SLC30A7: variants seen among roughly 807,000 people sequenced by gnomAD.
The protein encoded by SLC30A7 is zinc transporter 7.
In SLC30A7, 35 loss-of-function variants were observed where a neutral mutation model predicts 46.0. That is an observed-to-expected ratio of 0.76 (90% confidence interval 0.58 to 1.01). The LOEUF (loss-of-function observed/expected upper bound fraction) is 1.01. Among genes scored for constraint, SLC30A7 ranks in the 50% least tolerant of loss-of-function variants. The probability of loss-of-function intolerance (pLI) is 0.00; values close to 1 mark genes in which losing one functional copy is unlikely to be tolerated. For missense variants in SLC30A7, 464 were observed against 451.1 expected (o/e 1.03, Z -0.26); for synonymous variants, 147 against 157.8 (o/e 0.93, Z 0.51).
intron 1 of SLC30A7, 102 bp downstream of exon 1, chr1:100,896,444 C>T (rs1335052004): frequency 4.2e-6 from 6 of 1,440,386 alleles, no homozygotes; most frequent in South Asian, 3.4e-5. Context: ...TCAAAAACTC[C>T]CCGTCAACCC....
chr1:100,933,095 C>G (rs980067580), intron 8 of SLC30A7, among the ~76,000 whole-genome samples: 1 of 151,822 alleles, frequency 6.6e-6, no homozygotes, highest in Non-Finnish European at 1.5e-5. Flanking sequence ...CCTGCCTCAG[C>G]CTCCCGAGTA....
chr1:100,949,656 C>A (rs540304366), intron 8 of SLC30A7, among the ~76,000 whole-genome samples: 2 of 152,336 alleles, frequency 1.3e-5, no homozygotes, highest in Middle Eastern at 3.4e-3. Context: ...TACTGAGCTG[C>A]GGTGGGCCCC....
chr1:100,896,200 GCCATCACC>G lies in SLC30A7; in HGVS notation c.-59_-52del. ...CGTTTGAGGCGTCACTACTGTCACTGCCATCACCCCACGGAGCCACTTCTAGAGGGGAG... is the reference window on the plus strand; with the variant it reads ...CGTTTGAGGCGTCACTACTGTCACTGCCACGGAGCCACTTCTAGAGGGGAG... On this transcript the variant is annotated 5_prime_UTR_variant, in exon 1 of 11. Transcript: ENST00000357650. 6.8e-7 allele frequency: 1 copy of G among 1,460,772 alleles called. No individual in the cohort carries two copies. Among genetic ancestry groups the G allele is most frequent in the Non-Finnish European group, 9.6e-7 (1 of 1,041,462 alleles). The allele number at this position is 1,460,772 out of a possible 1,614,324, so 90.5% of individuals were successfully genotyped here. A position where few individuals can be genotyped will look rare whatever the true frequency, so the allele number is the denominator to read the frequency against.
At chr1:100,925,493 T>C (rs1289877650) in intron 8 of SLC30A7, among the ~76,000 whole-genome samples, 2 of 152,158 alleles carry the variant, frequency 1.3e-5, no homozygotes, top group African/African-American at 2.4e-5. Context: ...TGAGAGGCCA[T>C]GGTGGCTTGG....
chr1:100,941,827 T>C, intron 8 of SLC30A7: 1 of 527,322 alleles, frequency 1.9e-6, no homozygotes, highest in Non-Finnish European at 3.6e-6. Flanking sequence ...CCAAGGCCCC[T>C]GGAGTGCCTG....
At chr1:100,969,365 A>G (rs753768434) in intron 10 of SLC30A7, among the ~76,000 whole-genome samples, 2 of 152,132 alleles carry the variant, frequency 1.3e-5, no homozygotes, top group Admixed American at 6.5e-5. Context: ...TAGATATGCA[A>G]TGTCCTTTTA....
intron 8 of SLC30A7, among the ~76,000 whole-genome samples, chr1:100,939,445 G>A (rs966553744): frequency 6.6e-6 from 1 of 152,092 alleles, no homozygotes; most frequent in Non-Finnish European, 1.5e-5. Context: ...AGATAACGTA[G>A]AGGTTAAATG....
At chr1:100,943,967 T>C (rs1327769086) in intron 8 of SLC30A7, among the ~76,000 whole-genome samples, 1 of 152,188 alleles carries the variant, frequency 6.6e-6, no homozygotes, top group Non-Finnish European at 1.5e-5. Context: ...AAAGAAACAC[T>C]GGAAGAATAA....
chr1:100,929,496 A>G (rs776254772), intron 8 of SLC30A7, among the ~76,000 whole-genome samples: 25 of 151,614 alleles, frequency 1.6e-4, no homozygotes, highest in Non-Finnish European at 3.4e-4. Flanking sequence ...AATCAACTAA[A>G]TAGAGTATAA....
chr1:100,973,422 G>A (rs1285216252), intron 10 of SLC30A7, among the ~76,000 whole-genome samples: 2 of 152,186 alleles, frequency 1.3e-5, no homozygotes, highest in East Asian at 3.9e-4. Context: ...GTTGAAAGAA[G>A]GAAATTAGTA....
chr1:100,906,926 T>C lies in SLC30A7; in HGVS notation c.257T>C (p.Val86Ala). ...TAILAGLAAS[V>A]ISKWRDNDAF... ...ATTTTGGCTGGACTGGCAGCTTCTG[T>C]TATTTCAAAATGGAGAGATAATGAT... Residue 86 changes from valine to alanine, a missense_variant, in exon 3 of 11, where the codon GTT (valine) becomes GCT (alanine). Val to Ala is a moderately conservative substitution (Grantham distance 64). Transcript: ENST00000357650. The C allele has an allele frequency of 6.2e-7, 1 of 1,613,364 alleles. No individual in the cohort carries two copies. The highest frequency in any genetic ancestry group is 1.1e-5 in the South Asian group (1 of 91,070).
chr1:100,962,023 T>G, intron 9 of SLC30A7, 105 bp downstream of exon 9: 1 of 600,386 alleles, frequency 1.7e-6, no homozygotes, highest in Non-Finnish European at 2.8e-6. Context: ...TGACTGTTTC[T>G]TCCAAGATTG....
At chr1:100,959,220 A>G (rs1007510548) in intron 8 of SLC30A7, among the ~76,000 whole-genome samples, 2 of 152,182 alleles carry the variant, frequency 1.3e-5, no homozygotes, top group African/African-American at 4.8e-5. Flanking sequence ...GGAGCTTTTG[A>G]CACATTTCTT....
intron 10 of SLC30A7, among the ~76,000 whole-genome samples, chr1:100,966,675 A>C (rs1388174851): frequency 6.6e-6 from 1 of 152,228 alleles, no homozygotes; most frequent in Non-Finnish European, 1.5e-5. Flanking sequence ...TTCTTCAGGA[A>C]TAGAAAGATA....
At chr1:100,985,454 A>G (rs2101118170), downstream of SLC30A7, among the ~76,000 whole-genome samples, 1 of 152,358 alleles carries the variant, frequency 6.6e-6, no homozygotes, top group African/African-American at 2.4e-5. Context: ...CAAAGGAACT[A>G]GAATAGCTAA....
chr1:100,936,068 T>C (rs1273697635), intron 8 of SLC30A7, among the ~76,000 whole-genome samples: 1 of 152,060 alleles, frequency 6.6e-6, no homozygotes, highest in Non-Finnish European at 1.5e-5. Context: ...TTAAATTGTC[T>C]TCTTTTCATT....
Position 100,979,150 on chromosome 1 carries a change from C to T in SLC30A7, c.*4293C>T, listed in dbSNP as rs1057278064. 2.0e-4 allele frequency: 31 copies of T among 152,032 alleles called. No homozygotes were observed. The highest frequency in any genetic ancestry group is 5.9e-5 in the Non-Finnish European group (4 of 67,974). The allele number at this position is 152,032 out of a possible 1,614,324, so 9.4% of individuals were successfully genotyped here. A position where few individuals can be genotyped will look rare whatever the true frequency, so the allele number is the denominator to read the frequency against. Reference sequence around the variant, plus strand: ...GTAAGGTAAAATGTTGAAGTCTTAACCAGAATTCCTACAACTAATTACTAA... The same window carrying T: ...GTAAGGTAAAATGTTGAAGTCTTAATCAGAATTCCTACAACTAATTACTAA... On this transcript the variant is annotated 3_prime_UTR_variant, in exon 11 of 11. Coordinates refer to ENST00000357650, the MANE Select transcript of SLC30A7 (RefSeq NM_133496.5).
Position 100,904,305 on chromosome 1 carries a change from C to A in SLC30A7, c.183-2547C>A, listed in dbSNP as rs891547584. ...TCAGCTGTGTCCAGTCTGTGATAAGCCAATTGGAAGAATTCTTTATCGCTG... is the reference window on the plus strand; with the variant it reads ...TCAGCTGTGTCCAGTCTGTGATAAGACAATTGGAAGAATTCTTTATCGCTG... On this transcript the variant is annotated intron_variant, in intron 2 of 10. Transcript: ENST00000357650. Among the ~76,000 whole-genome samples, 3 of 152,286 alleles carry A rather than the reference C, an allele frequency of 2.0e-5. No individual in the cohort carries two copies. The South Asian group carries it at 6.2e-4, about 32-fold the overall frequency.
chr1:100,916,494 A>G (rs969338343), intron 6 of SLC30A7, among the ~76,000 whole-genome samples: 5 of 152,066 alleles, frequency 3.3e-5, no homozygotes, highest in Non-Finnish European at 7.4e-5. Context: ...CAGTAGGTGT[A>G]TATTGTTATG....
Sources: allele counts gnomAD v4.1 joint callset (sites outside exome capture counted in the v4.1 genomes callset), GRCh38; gene constraint gnomAD v4.1.1; transcripts MANE v1.5; gene names NCBI Gene and HGNC (gene_info 2026-07-23, HGNC 2026-07-21).